B4GALT5: variants seen among roughly 807,000 people sequenced by gnomAD.
B4GALT5 encodes UDP-Gal:beta-GlcNAc beta-1,4-galactosyltransferase 5.
Under a neutral mutation model 45.0 loss-of-function variants are expected in B4GALT5, and 11 were observed. That is an observed-to-expected ratio of 0.24 (90% CI 0.15 to 0.40). B4GALT5 has a LOEUF of 0.40. B4GALT5 is among the 10% of genes least tolerant of loss of function. The pLI is 1.00. For missense variants in B4GALT5, 337 were observed against 500.2 expected (o/e 0.67, Z 3.11); for synonymous variants, 185 against 182.9 (o/e 1.01, Z -0.09).
At chr20:49,675,176 T>C (rs558868123) in intron 1 of B4GALT5, among the ~76,000 whole-genome samples, 201 of 152,272 alleles carry the variant, frequency 1.3e-3, no homozygotes, top group Non-Finnish European at 2.4e-3. Context: ...GTGTGTTCAG[T>C]AACATTTGCA....
chr20:49,644,708 A>T (rs540956539), intron 3 of B4GALT5, among the ~76,000 whole-genome samples: 1 of 152,350 alleles, frequency 6.6e-6, no homozygotes, highest in Non-Finnish European at 1.5e-5. Context: ...CAGGTTTTAA[A>T]GGGAAAACCT....
rs144415376 is a variant in B4GALT5 at position 49,681,822 on chromosome 20, G to A, written c.116-25120C>T. Among the ~76,000 whole-genome samples the A allele has an allele frequency of 4.2e-3, 632 of 152,278 alleles. 9 individuals are homozygous for A. In the South Asian group the frequency reaches 0.055, roughly 13 times the overall value. On this transcript the variant is annotated intron_variant, in intron 1 of 8. Transcript: ENST00000371711. ...TGAAAACCTCCAAGAAAGGCTGGGC[G>A]TGGTGGCTCACGCCTGTAATCCCAG...
At chr20:49,709,006 A>G (rs888925329) in intron 1 of B4GALT5, among the ~76,000 whole-genome samples, 6 of 152,150 alleles carry the variant, frequency 3.9e-5, no homozygotes, top group Non-Finnish European at 7.4e-5. Context: ...CTTGAAACCG[A>G]TAACTGTTTC....
rs2085889095 is a variant in B4GALT5, at chr20:49,707,463, T to G, written c.115+6113A>C. 2.0e-5 allele frequency among the ~76,000 whole-genome samples: 3 copies of G among 151,964 alleles called. No individual in the cohort carries two copies. In the South Asian group the frequency reaches 6.2e-4, roughly 32 times the overall value. ...CCATATGTATTTCATTCTAGAAAGCTCAGAAACTGAGTGTGCTGAGGGATT... is the reference window on the plus strand; with the variant it reads ...CCATATGTATTTCATTCTAGAAAGCGCAGAAACTGAGTGTGCTGAGGGATT... On this transcript the variant is annotated intron_variant, in intron 1 of 8. Transcript: ENST00000371711.
At chr20:49,655,840 T>A (rs912967713) in intron 2 of B4GALT5, among the ~76,000 whole-genome samples, 2 of 149,544 alleles carry the variant, frequency 1.3e-5, no homozygotes, top group African/African-American at 4.9e-5. Flanking sequence ...GAGGCACGAG[T>A]ATCACTTGAA....
Position 49,668,736 on chromosome 20 carries a change from C to T in B4GALT5, c.116-12034G>A, listed in dbSNP as rs554615719. Among the ~76,000 whole-genome samples, 47 of 152,182 alleles carry T rather than the reference C, an allele frequency of 3.1e-4. 4 individuals are homozygous for T. The highest frequency in any genetic ancestry group is 3.1e-3 in the Admixed American group (47 of 15,282). On this transcript the variant is annotated intron_variant, in intron 1 of 8. Transcript: ENST00000371711. ...TCCCCTCACCTCCGCACCCCCTCGT[C>T]CTAATCTCTGTCCGTCACCGCCCCC...
intron 5 of B4GALT5, among the ~76,000 whole-genome samples, chr20:49,642,170 T>C (rs2085579942): frequency 6.6e-6 from 1 of 152,142 alleles, no homozygotes; most frequent in Non-Finnish European, 1.5e-5. Context: ...CAGCTCTTTA[T>C]CTTAAGGGGA....
At chr20:49,698,969 T>C (rs2085850603) in intron 1 of B4GALT5, among the ~76,000 whole-genome samples, 1 of 152,066 alleles carries the variant, frequency 6.6e-6, no homozygotes, top group African/African-American at 2.4e-5. Context: ...GATGAAACAA[T>C]TTATCGTAGC....
At chr20:49,705,877 G>T (rs1337786971) in intron 1 of B4GALT5, among the ~76,000 whole-genome samples, 2 of 151,900 alleles carry the variant, frequency 1.3e-5, no homozygotes, top group Non-Finnish European at 1.5e-5. Flanking sequence ...CACCTCCTAT[G>T]GTTATAAATA....
At chr20:49,684,903 T>A (rs372278982) in intron 1 of B4GALT5, among the ~76,000 whole-genome samples, 1 of 152,206 alleles carries the variant, frequency 6.6e-6, no homozygotes, top group African/African-American at 2.4e-5. Flanking sequence ...TCCAGAGTGA[T>A]TGAAACAGAG....
In B4GALT5 at chr20:49,664,693, C is replaced by T. The variant is rs530880724; in HGVS notation, c.116-7991G>A. The stretch of plus-strand genomic sequence containing the variant: ...ATATCAGATATTACTAAATGTTAAG[C>T]TTAAGTGTAATCATAGTGCTGTGAT... On this transcript the variant is annotated intron_variant, in intron 1 of 8. Coordinates refer to ENST00000371711, the MANE Select transcript of B4GALT5 (RefSeq NM_004776.4). 6.6e-5 allele frequency among the ~76,000 whole-genome samples: 10 copies of T among 152,166 alleles called. No homozygotes were observed. In the South Asian group the frequency reaches 2.1e-3, roughly 32 times the overall value.
chr20:49,689,761 T>C (rs1219177851), intron 1 of B4GALT5, among the ~76,000 whole-genome samples: 1 of 152,206 alleles, frequency 6.6e-6, no homozygotes. Context: ...GTTTGACAAA[T>C]GCACATACCT....
At chr20:49,643,020 C>T (rs376180909) in intron 4 of B4GALT5, among the ~76,000 whole-genome samples, 5 of 152,312 alleles carry the variant, frequency 3.3e-5, no homozygotes, top group Non-Finnish European at 5.9e-5. Context: ...CAGCACTTAA[C>T]GAGGCTGGCA....
intron 1 of B4GALT5, among the ~76,000 whole-genome samples, chr20:49,662,361 C>T (rs1335953634): frequency 1.3e-5 from 2 of 152,138 alleles, no homozygotes; most frequent in African/African-American, 4.8e-5. Context: ...TTTATCTTGT[C>T]CCCCATAAGA....
At chr20:49,652,537 C>T (rs538562602) in intron 2 of B4GALT5, among the ~76,000 whole-genome samples, 3 of 151,898 alleles carry the variant, frequency 2.0e-5, no homozygotes, top group South Asian at 2.1e-4. Flanking sequence ...CTAAAACCAC[C>T]GAGAAAGAGG....
rs545515350 is a variant in B4GALT5, at chr20:49,666,856, T to A, written c.116-10154A>T. On this transcript the variant is annotated intron_variant, in intron 1 of 8. Coordinates refer to ENST00000371711, the MANE Select transcript of B4GALT5 (RefSeq NM_004776.4). ...CCCCAAACAAGCAGATGATCAGTGT[T>A]CACTGCTCTGCACAACAGGTAAAGA... Among the ~76,000 whole-genome samples the A allele has an allele frequency of 3.8e-3, 584 of 152,348 alleles. 3 individuals are homozygous for A. The highest frequency in any genetic ancestry group is 4.7e-3 in the Non-Finnish European group (322 of 68,030).
At chr20:49,654,460 T>C (rs1272178672) in intron 2 of B4GALT5, among the ~76,000 whole-genome samples, 1 of 152,194 alleles carries the variant, frequency 6.6e-6, no homozygotes, top group Non-Finnish European at 1.5e-5. Flanking sequence ...TCTAAAAAGC[T>C]CTGAAATGTC....
chr20:49,660,555 C>T (rs79546142), intron 1 of B4GALT5, among the ~76,000 whole-genome samples: 2,269 of 152,332 alleles, frequency 0.015, 24 homozygotes, highest in Admixed American at 0.025. Context: ...CATCCTATTA[C>T]TAATTCATAT....
In B4GALT5 at chr20:49,636,094, C is replaced by T. The variant is rs987376242; in HGVS notation, c.*218G>A. On this transcript the variant is annotated 3_prime_UTR_variant, in exon 9 of 9. Coordinates refer to ENST00000371711, the MANE Select transcript of B4GALT5 (RefSeq NM_004776.4). ...TGTGAAAACAGAAAGCCAGTGCTGACGAAGGAAGTCCCCAAGCTCACTCCC... is the reference window on the plus strand; with the variant it reads ...TGTGAAAACAGAAAGCCAGTGCTGATGAAGGAAGTCCCCAAGCTCACTCCC... 58 of 582,402 alleles carry T rather than the reference C, an allele frequency of 1.0e-4. No homozygotes were observed. The highest frequency in any genetic ancestry group is 1.4e-4 in the Non-Finnish European group (47 of 332,852). The allele number at this position is 582,402 out of a possible 1,614,324, so 36.1% of individuals were successfully genotyped here.
Sources: allele counts gnomAD v4.1 joint callset (sites outside exome capture counted in the v4.1 genomes callset), GRCh38; gene constraint gnomAD v4.1.1; transcripts MANE v1.5; gene names NCBI Gene and HGNC (gene_info 2026-07-23, HGNC 2026-07-21).